Variants in FSTL5 observed in about 807,000 individuals in gnomAD.
FSTL5 encodes follistatin-related protein 5.
FSTL5 carries 62 observed loss-of-function variants against 89.1 expected under a neutral mutation model. The ratio of observed to expected loss-of-function variants is 0.70; its 90% CI spans 0.57 to 0.86. The LOEUF is 0.86. FSTL5 is among the 40% of genes least tolerant of loss of function. The pLI is 0.00. For missense variants in FSTL5, 1,057 were observed against 1,001.6 expected, an observed-to-expected ratio of 1.06 and a Z score of -0.75; for synonymous variants, 383 against 346.2, an observed-to-expected ratio of 1.11 and a Z score of -1.18.
At chr4:161,597,068 C>CA (rs1274045873) in intron 7 of FSTL5, among the ~76,000 whole-genome samples, 1 of 152,028 alleles carries the variant, frequency 6.6e-6, no homozygotes, top group African/African-American at 2.4e-5. Context: ...GCTTTTGTTG[C>CA]CATTGCTTTT....
At chr4:161,585,083 G>A (rs554197454) in intron 8 of FSTL5, among the ~76,000 whole-genome samples, 3 of 152,022 alleles carry the variant, frequency 2.0e-5, no homozygotes, top group Non-Finnish European at 2.9e-5. Context: ...AGAAAAACCC[G>A]AGATCAGAGA....
rs796909244 is a variant in FSTL5 at position 161,977,612 on chromosome 4, C to CA, written c.160+56012dup. On this transcript the variant is annotated intron_variant, in intron 3 of 15. Transcript: ENST00000306100. ...TGGGCGACACAGCGAGACTCCGTGT[C>CA]AAAAAAAAAAAAAAAAAAAAAAAAA... 1.6e-3 allele frequency among the ~76,000 whole-genome samples: 156 copies of CA among 95,072 alleles called. 1 individual carries two copies. The highest frequency in any genetic ancestry group is 5.0e-3 in the African/African-American group (129 of 25,568). 62.4% of individuals were successfully genotyped at this position (95,072 alleles called of 152,430 possible).
chr4:161,427,975 T>C (rs1307843404), intron 15 of FSTL5, among the ~76,000 whole-genome samples: 2 of 152,132 alleles, frequency 1.3e-5, no homozygotes, highest in Non-Finnish European at 1.5e-5. Flanking sequence ...AAAGAGGCAC[T>C]GAAGAGGATA....
At chr4:162,050,634 A>C (rs535562676) in intron 2 of FSTL5, among the ~76,000 whole-genome samples, 1 of 151,206 alleles carries the variant, frequency 6.6e-6, no homozygotes, top group African/African-American at 2.4e-5. Context: ...TTTGACAAGA[A>C]AATAATTTTA....
chr4:161,551,055 T>G (rs1407451940), intron 8 of FSTL5, among the ~76,000 whole-genome samples: 1 of 152,116 alleles, frequency 6.6e-6, no homozygotes, highest in East Asian at 1.9e-4. Flanking sequence ...TGTGTGTGTA[T>G]GTCTTTATAG....
chr4:162,025,989 A>T (rs948797641), intron 3 of FSTL5, among the ~76,000 whole-genome samples: 5 of 151,964 alleles, frequency 3.3e-5, no homozygotes, highest in Non-Finnish European at 7.4e-5. Flanking sequence ...AAAAAATCCA[A>T]GCAAATATAC....
intron 15 of FSTL5, among the ~76,000 whole-genome samples, chr4:161,435,991 A>C (rs1732546696): frequency 1.3e-5 from 2 of 152,052 alleles, no homozygotes; most frequent in South Asian, 4.2e-4. Context: ...TATTTTCTCT[A>C]CCTATAAGTT....
At chr4:161,604,512 T>A (rs1734369083) in intron 7 of FSTL5, among the ~76,000 whole-genome samples, 1 of 152,152 alleles carries the variant, frequency 6.6e-6, no homozygotes, top group African/African-American at 2.4e-5. Context: ...CCACCATCCC[T>A]TGGAATGACA....
At chr4:161,623,524 T>C (rs1319486060) in intron 7 of FSTL5, among the ~76,000 whole-genome samples, 1 of 152,004 alleles carries the variant, frequency 6.6e-6, no homozygotes, top group Non-Finnish European at 1.5e-5. Flanking sequence ...TTCCTGTTTG[T>C]TAAAATTTTA....
intron 6 of FSTL5, among the ~76,000 whole-genome samples, chr4:161,743,480 A>G (rs983193769): frequency 3.3e-5 from 5 of 152,140 alleles, no homozygotes. Context: ...AGAAAGAATG[A>G]CATCCCCTCC....
At chr4:161,916,338 T>A (rs1359522289) in intron 4 of FSTL5, among the ~76,000 whole-genome samples, 1 of 152,224 alleles carries the variant, frequency 6.6e-6, no homozygotes, top group Non-Finnish European at 1.5e-5. Flanking sequence ...CCAGTTTACA[T>A]CTATACTCTG....
At chr4:161,465,896 A>G (rs895080147) in intron 13 of FSTL5, among the ~76,000 whole-genome samples, 3 of 152,186 alleles carry the variant, frequency 2.0e-5, no homozygotes, top group African/African-American at 7.2e-5. Flanking sequence ...AGTTTTATTG[A>G]ATTATTAAAC....
intron 11 of FSTL5, among the ~76,000 whole-genome samples, chr4:161,507,125 C>G (rs1248822364): frequency 6.6e-6 from 1 of 151,854 alleles, no homozygotes; most frequent in Non-Finnish European, 1.5e-5. Context: ...ACTGAATCAT[C>G]CTAAATCTCT....
intron 4 of FSTL5, among the ~76,000 whole-genome samples, chr4:161,847,321 A>G (rs1371500881): frequency 6.6e-6 from 1 of 152,214 alleles, no homozygotes; most frequent in Non-Finnish European, 1.5e-5. Flanking sequence ...TCAATATAAA[A>G]GCATTATCTA....
At chr4:162,028,009 AT>A (rs1262221598) in intron 3 of FSTL5, among the ~76,000 whole-genome samples, 1 of 152,146 alleles carries the variant, frequency 6.6e-6, no homozygotes, top group Non-Finnish European at 1.5e-5. Context: ...ACACTTAATT[AT>A]TTTTTAAGAA....
At chr4:161,630,152 T>C (rs1327957644) in intron 7 of FSTL5, among the ~76,000 whole-genome samples, 2 of 152,178 alleles carry the variant, frequency 1.3e-5, no homozygotes, top group Non-Finnish European at 2.9e-5. Flanking sequence ...TCCAGGTCCA[T>C]AAAACTGCGG....
At chr4:161,931,223 G>A (rs1286979425) in intron 3 of FSTL5, among the ~76,000 whole-genome samples, 2 of 151,868 alleles carry the variant, frequency 1.3e-5, no homozygotes, top group East Asian at 3.9e-4. Flanking sequence ...ATATGTTTAG[G>A]ATGTGTCACT....
rs201123322 is a variant in FSTL5 at position 161,386,278 on chromosome 4, T to G, written c.2013A>C (p.Gly671=). The G allele has an allele frequency of 6.2e-7, 1 of 1,613,892 alleles. No homozygotes were observed. The highest frequency in any genetic ancestry group is 8.5e-7 in the Non-Finnish European group (1 of 1,179,948). The change falls in exon 16 of 16, where the codon GGA becomes GGC. Residue 671 remains glycine, a synonymous_variant. Transcript: ENST00000306100. ...YFIGCKPDST[G]AVSPQVMVDG... is the part of the protein sequence containing the mutation. ...CCACCATGACCTGTGGGGAAACTGC[T>G]CCGGTGCTGTCAGGTTTGCAGCCAA... is the stretch of plus-strand genomic sequence containing the variant.
chr4:162,111,247 G>A, intron 2 of FSTL5, 24 bp downstream of exon 2: 1 of 1,559,570 alleles, frequency 6.4e-7, no homozygotes, highest in East Asian at 2.3e-5. Flanking sequence ...GGCACTATGA[G>A]CAGATTCAGA....
Sources: allele counts gnomAD v4.1 joint callset (sites outside exome capture counted in the v4.1 genomes callset), GRCh38; gene constraint gnomAD v4.1.1; transcripts MANE v1.5; gene names NCBI Gene and HGNC (gene_info 2026-07-23, HGNC 2026-07-21).